Variants in IL21 observed in about 807,000 individuals in gnomAD.
The protein encoded by IL21 is interleukin-21.
A neutral mutation model predicts 18.4 loss-of-function variants in IL21; 3 were observed. That is an observed-to-expected ratio of 0.16 (90% CI 0.07 to 0.42). The LOEUF is 0.42. Ranked by LOEUF, IL21 falls within the 10% of genes least tolerant of loss-of-function variation. The pLI is 0.99. For missense variants in IL21, 130 were observed against 188.4 expected (o/e 0.69, Z 1.81); for synonymous variants, 37 against 62.0 (o/e 0.60, Z 1.90).
intron 1 of IL21, 22 bp downstream of exon 1, chr4:122,620,822 G>T (rs17882365): frequency 6.2e-7 from 1 of 1,612,740 alleles, no homozygotes; most frequent in Non-Finnish European, 8.5e-7. Flanking sequence ...TTTAGATTTT[G>T]TTGTGACAAA....
At chr4:122,619,320 A>T (rs1799389643) in intron 2 of IL21, 1 of 152,240 alleles carries the variant, frequency 6.6e-6, no homozygotes, top group South Asian at 2.1e-4. Flanking sequence ...TAGCTTAAAG[A>T]TCCAAGTTAC....
rs1348593702 is a variant in IL21 at position 122,611,031 on chromosome 4, A to T, written c.*1679T>A. Among the ~76,000 whole-genome samples the T allele has an allele frequency of 1.3e-5, 2 of 152,234 alleles. No homozygotes were observed. Among genetic ancestry groups the T allele is most frequent in the Non-Finnish European group, 2.9e-5 (2 of 68,028 alleles). ...TAACAATAAACATGCCAAAAGAAAT[A>T]CATTATTTTAAATATGAAATACAAT... On this transcript the variant is annotated 3_prime_UTR_variant, in exon 5 of 5. Transcript: ENST00000648588.
In IL21 at chr4:122,610,896, T is replaced by C. The variant is rs1799255994; in HGVS notation, c.*1814A>G. Among the ~76,000 whole-genome samples, 2 of 152,222 alleles carry C rather than the reference T, an allele frequency of 1.3e-5. No homozygotes were observed. Among genetic ancestry groups the C allele is most frequent in the Admixed American group, 1.3e-4 (2 of 15,286 alleles). On this transcript the variant is annotated 3_prime_UTR_variant, in exon 5 of 5. Coordinates refer to ENST00000648588, the MANE Select transcript of IL21 (RefSeq NM_021803.4). The stretch of plus-strand genomic sequence containing the variant: ...TTAACTCTGGTTAAACAGCAGAGTT[T>C]ATCTGGGTGTTTAAACTCTGTTTAA...
rs1023906878 is a variant in IL21, at chr4:122,612,152, C to T, written c.*558G>A. On this transcript the variant is annotated 3_prime_UTR_variant, in exon 5 of 5. Transcript: ENST00000648588. ...AATAAAGAAGTAAGGCTTTTATAGCCATCTAGTATCCCCCGGTGCATAAAT... is the reference window on the plus strand; with the variant it reads ...AATAAAGAAGTAAGGCTTTTATAGCTATCTAGTATCCCCCGGTGCATAAAT... Among the ~76,000 whole-genome samples, 3 of 151,264 alleles carry T rather than the reference C, an allele frequency of 2.0e-5. No individual in the cohort carries two copies. Among genetic ancestry groups the T allele is most frequent in the Non-Finnish European group, 4.4e-5 (3 of 67,828 alleles).
chr4:122,614,230 C>T (rs954233882), intron 3 of IL21, among the ~76,000 whole-genome samples: 1 of 152,158 alleles, frequency 6.6e-6, no homozygotes, highest in African/African-American at 2.4e-5. Flanking sequence ...AGCTCCAAAG[C>T]TACCACTTCA....
intron 3 of IL21, 98 bp from the exon 4 acceptor site, chr4:122,613,026 A>T: frequency 1.4e-6 from 1 of 696,746 alleles, no homozygotes; most frequent in Non-Finnish European, 2.4e-6. Flanking sequence ...AATTATGTTC[A>T]CTGAAAAACA....
rs1203092286 is a variant in IL21, at chr4:122,610,146, TAAG to T, written c.*2561_*2563del. On this transcript the variant is annotated 3_prime_UTR_variant, in exon 5 of 5. Coordinates refer to ENST00000648588, the MANE Select transcript of IL21 (RefSeq NM_021803.4). Reference sequence around the variant, plus strand: ...GTATTTAATATGATCAGGTCTTAAATAAGAAGCCATAAACATGAACATTTAAAA... The same window carrying T: ...GTATTTAATATGATCAGGTCTTAAATAAGCCATAAACATGAACATTTAAAA... Among the ~76,000 whole-genome samples, 1 of 152,120 alleles carries T rather than the reference TAAG, an allele frequency of 6.6e-6. No homozygotes were observed. Among genetic ancestry groups the T allele is most frequent in the Non-Finnish European group, 1.5e-5 (1 of 68,012 alleles).
intron 2 of IL21, among the ~76,000 whole-genome samples, chr4:122,620,376 C>G (rs1799408792): frequency 6.6e-6 from 1 of 152,158 alleles, no homozygotes; most frequent in Admixed American, 6.5e-5. Context: ...TAAAGAGTAA[C>G]TAGCTGTGCA....
intron 3 of IL21, among the ~76,000 whole-genome samples, chr4:122,614,739 T>G (rs550369100): frequency 2.0e-5 from 3 of 152,080 alleles, no homozygotes; most frequent in Non-Finnish European, 4.4e-5. Flanking sequence ...GTAATTTATT[T>G]TATGTATTTT....
At chr4:122,620,798 AT>A (rs1167459150) in intron 1 of IL21, 45 bp downstream of exon 1, 2 of 1,611,714 alleles carry the variant, frequency 1.2e-6, no homozygotes, top group South Asian at 2.2e-5. Context: ...TTTTATATTA[AT>A]TGAAAAGTAT....
rs1455951723 is a variant in IL21, at chr4:122,612,131, A to G, written c.*579T>C. 6.6e-6 allele frequency among the ~76,000 whole-genome samples: 1 copy of G among 151,782 alleles called. No individual in the cohort carries two copies. Among genetic ancestry groups the G allele is most frequent in the African/African-American group, 2.4e-5 (1 of 41,330 alleles). ...TTAAATATTTTTATAAACCCCAATA[A>G]AGAAGTAAGGCTTTTATAGCCATCT... On this transcript the variant is annotated 3_prime_UTR_variant, in exon 5 of 5. Coordinates refer to ENST00000648588, the MANE Select transcript of IL21 (RefSeq NM_021803.4).
intron 4 of IL21, 28 bp from the exon 5 acceptor site, chr4:122,612,788 TAAGA>T: frequency 1.2e-6 from 2 of 1,613,480 alleles, no homozygotes; most frequent in Non-Finnish European, 1.7e-6. Context: ...CGTGAGTAAC[TAAGA>T]AGCAAATCTG....
In IL21 at chr4:122,620,632, A is replaced by T. The variant is rs537707257; in HGVS notation, c.204+69T>A. ...AGTATACTCCTATATAATCATGCTA[A>T]TGTCTTTCTTATTGGATTTAAAAAC... On this transcript the variant is annotated intron_variant, in intron 2 of 4. Transcript: ENST00000648588. 219 of 1,298,364 alleles carry T rather than the reference A, an allele frequency of 1.7e-4. No individual in the cohort carries two copies. The East Asian group carries it at 4.7e-3, about 28-fold the overall frequency. 80.4% of individuals were successfully genotyped at this position (1,298,364 alleles called of 1,614,324 possible).
At position 122,612,688 on chromosome 4, in the gene IL21, T is replaced by C. The variant is rs752695262; in HGVS notation, c.*22A>G. The C allele has an allele frequency of 8.1e-6, 12 of 1,490,238 alleles. No homozygotes were observed. The highest frequency in any genetic ancestry group is 1.7e-4 in the Middle Eastern group (1 of 5,842). The allele number at this position is 1,490,238 out of a possible 1,614,324, so 92.3% of individuals were successfully genotyped here. A position where few individuals can be genotyped will look rare whatever the true frequency, so the allele number is the denominator to read the frequency against. ...TACTATATTAGAGTATGTAACATAGTGTCCAACTGCAAGTTAGATCCTCAG... is the reference window on the plus strand; with the variant it reads ...TACTATATTAGAGTATGTAACATAGCGTCCAACTGCAAGTTAGATCCTCAG... On this transcript the variant is annotated 3_prime_UTR_variant, in exon 5 of 5. Transcript: ENST00000648588.
At chr4:122,614,822 AG>A (rs1180609409) in intron 3 of IL21, among the ~76,000 whole-genome samples, 2 of 152,186 alleles carry the variant, frequency 1.3e-5, no homozygotes, top group Non-Finnish European at 2.9e-5. Context: ...CATATACAAG[AG>A]GATCTCAGGG....
intron 2 of IL21, among the ~76,000 whole-genome samples, chr4:122,617,582 A>T (rs1799353457): frequency 6.6e-6 from 1 of 152,192 alleles, no homozygotes; most frequent in African/African-American, 2.4e-5. Context: ...CAGTACCGGT[A>T]CTCAAAGCAC....
chr4:122,618,804 C>CAAAAA (rs1158779760), intron 2 of IL21, among the ~76,000 whole-genome samples: 3 of 32,578 alleles, frequency 9.2e-5, no homozygotes, highest in Non-Finnish European at 1.8e-4. Context: ...GACTCCGTCT[C>CAAAAA]AAAAAAAAAA....
At chr4:122,614,250 A>G (rs1375316363) in intron 3 of IL21, among the ~76,000 whole-genome samples, 4 of 152,190 alleles carry the variant, frequency 2.6e-5, no homozygotes, top group Non-Finnish European at 5.9e-5. Context: ...ATGAGTTTCA[A>G]AAATATGTTC....
chr4:122,618,636 C>T (rs1292282792), intron 2 of IL21, among the ~76,000 whole-genome samples: 3 of 151,768 alleles, frequency 2.0e-5, no homozygotes, highest in Non-Finnish European at 4.4e-5. Flanking sequence ...GAAACCCCGT[C>T]TCTACTAAAA....
Sources: gnomAD v4.1 joint callset for allele counts (sites outside exome capture counted in the v4.1 genomes callset) on GRCh38, gnomAD v4.1.1 for gene constraint, MANE v1.5 for transcripts, NCBI Gene and HGNC (gene_info 2026-07-23, HGNC 2026-07-21) for gene names.